The following ELL2 variants were observed in gnomAD, a reference collection of about 807,000 sequenced individuals.
ELL2 encodes RNA polymerase II elongation factor ELL2.
ELL2 carries 21 observed loss-of-function variants against 72.8 expected under a neutral mutation model. That is an observed-to-expected ratio of 0.29 (90% confidence interval 0.20 to 0.42). ELL2 has a LOEUF of 0.42. Ranked by LOEUF, ELL2 falls within the 10% of genes least tolerant of loss-of-function variation. The pLI, the probability that ELL2 is intolerant of heterozygous loss-of-function variation, is 1.00. For missense variants in ELL2, 568 were observed against 772.8 expected (o/e 0.73, Z 3.14); for synonymous variants, 266 against 283.2 (o/e 0.94, Z 0.61).
intron 5 of ELL2, among the ~76,000 whole-genome samples, chr5:95,903,208 CTTTTTTTTT>C (rs35628427): frequency 1.8e-5 from 1 of 56,216 alleles, no homozygotes; most frequent in Admixed American, 2.6e-4. Context: ...CTCTTAGGAC[CTTTTTTTTT>C]TTTTTTTTTT....
chr5:95,932,108 T>G (rs1468041863), intron 2 of ELL2, among the ~76,000 whole-genome samples: 1 of 152,066 alleles, frequency 6.6e-6, no homozygotes, highest in Non-Finnish European at 1.5e-5. Context: ...TCTGGTTTAC[T>G]CCATAAAATT....
chr5:95,947,650 G>C (rs578178741), intron 1 of ELL2, among the ~76,000 whole-genome samples: 2 of 152,230 alleles, frequency 1.3e-5, no homozygotes, highest in East Asian at 3.9e-4. Flanking sequence ...GCAGAGTTGG[G>C]CCTTAAATCC....
chr5:95,927,641 GTATATAGACATACACACACACGTGTGTA>G (rs1750404452), intron 2 of ELL2, among the ~76,000 whole-genome samples: 4 of 41,042 alleles, frequency 9.7e-5, no homozygotes, highest in Admixed American at 2.0e-4. Context: ...ACACACGTGT[GTATATAGACATACACACACACGTGTGTA>G]TATAGACATA....
At chr5:95,953,033 C>G (rs950704319) in intron 1 of ELL2, among the ~76,000 whole-genome samples, 1 of 152,144 alleles carries the variant, frequency 6.6e-6, no homozygotes, top group Non-Finnish European at 1.5e-5. Context: ...AGATGACCAC[C>G]GGATTTTAAC....
At chr5:95,890,876 T>G in intron 10 of ELL2, 1 of 543,206 alleles carries the variant, frequency 1.8e-6, no homozygotes, top group East Asian at 3.4e-5. Context: ...CAATATGTGA[T>G]ACATTATAGT....
chr5:95,900,802 T>G, intron 6 of ELL2, 22 bp from the exon 7 acceptor site: 1 of 1,588,622 alleles, frequency 6.3e-7, no homozygotes, highest in Admixed American at 1.8e-5. Flanking sequence ...ACACATGTTA[T>G]GTGTTAAGGA....
intron 2 of ELL2, among the ~76,000 whole-genome samples, chr5:95,922,435 C>T (rs749493449): frequency 6.6e-5 from 10 of 152,142 alleles, no homozygotes; most frequent in Non-Finnish European, 1.3e-4. Flanking sequence ...AGAGTCTGTA[C>T]TCAAATTCTG....
At chr5:95,919,929 C>G (rs889292851) in intron 2 of ELL2, among the ~76,000 whole-genome samples, 1 of 152,116 alleles carries the variant, frequency 6.6e-6, no homozygotes, top group Non-Finnish European at 1.5e-5. Flanking sequence ...TTACATGACC[C>G]CCTTCTAAAT....
At chr5:95,948,706 T>C (rs540633245) in intron 1 of ELL2, among the ~76,000 whole-genome samples, 3 of 152,240 alleles carry the variant, frequency 2.0e-5, no homozygotes, top group Non-Finnish European at 4.4e-5. Context: ...CTTCAACTTT[T>C]GCTTTTAGCT....
intron 1 of ELL2, among the ~76,000 whole-genome samples, chr5:95,954,403 C>CTT (rs996595214): frequency 6.1e-4 from 75 of 122,466 alleles, no homozygotes; most frequent in African/African-American, 1.3e-3. Flanking sequence ...TTAAATTATT[C>CTT]TTTTTTTTTT....
intron 2 of ELL2, among the ~76,000 whole-genome samples, chr5:95,921,882 T>C (rs1423819726): frequency 1.3e-5 from 2 of 152,180 alleles, no homozygotes; most frequent in Non-Finnish European, 2.9e-5. Flanking sequence ...CAGAACCTGG[T>C]TGGAGAAATT....
At chr5:95,935,001 T>C (rs1750724810) in intron 2 of ELL2, among the ~76,000 whole-genome samples, 1 of 152,200 alleles carries the variant, frequency 6.6e-6, no homozygotes, top group Admixed American at 6.5e-5. Context: ...TGAAGTTCAA[T>C]GTCATAATAA....
chr5:95,955,436 T>C (rs1231866008), intron 1 of ELL2, among the ~76,000 whole-genome samples: 1 of 152,154 alleles, frequency 6.6e-6, no homozygotes, highest in African/African-American at 2.4e-5. Context: ...AAAGTATTAG[T>C]GGCAACTCTT....
At chr5:95,908,410 T>C (rs376123269) in intron 4 of ELL2, among the ~76,000 whole-genome samples, 3 of 152,246 alleles carry the variant, frequency 2.0e-5, no homozygotes, top group African/African-American at 7.2e-5. Flanking sequence ...TTCCTGCCTG[T>C]AAGTCTTTGT....
intron 4 of ELL2, among the ~76,000 whole-genome samples, chr5:95,908,754 T>A (rs1441237339): frequency 6.6e-6 from 1 of 152,162 alleles, no homozygotes; most frequent in East Asian, 1.9e-4. Context: ...TTTTTAAAAA[T>A]AGAGTCAAGT....
intron 1 of ELL2, among the ~76,000 whole-genome samples, chr5:95,957,341 G>A (rs957807180): frequency 3.3e-5 from 5 of 152,100 alleles, no homozygotes; most frequent in African/African-American, 7.2e-5. Flanking sequence ...AGTAATATAT[G>A]CTCATTTAAA....
At chr5:95,913,718 A>C in intron 4 of ELL2, 53 bp downstream of exon 4, 1 of 1,482,238 alleles carries the variant, frequency 6.7e-7, no homozygotes, top group Non-Finnish European at 9.0e-7. Context: ...ACCTATGGTG[A>C]TCTTGAATTA....
intron 8 of ELL2, among the ~76,000 whole-genome samples, chr5:95,897,101 C>T (rs898113234): frequency 1.3e-5 from 2 of 152,194 alleles, no homozygotes; most frequent in African/African-American, 4.8e-5. Flanking sequence ...AATGCTTTGA[C>T]ATGCAATGTA....
chr5:95,958,727 C>G (rs1224796999), intron 1 of ELL2, among the ~76,000 whole-genome samples: 2 of 152,168 alleles, frequency 1.3e-5, no homozygotes, highest in African/African-American at 2.4e-5. Context: ...ATACAAGCTA[C>G]TTGGCTCCAT....
Sources: gnomAD v4.1 joint callset for allele counts (sites outside exome capture counted in the v4.1 genomes callset) on GRCh38, gnomAD v4.1.1 for gene constraint, MANE v1.5 for transcripts, NCBI Gene and HGNC (gene_info 2026-07-23, HGNC 2026-07-21) for gene names.